ENTREP2: variants seen among roughly 807,000 people sequenced by gnomAD.
ENTREP2 encodes protein ENTREP2.
chr15:29,590,196 T>C, the ENTREP2 span, among the ~76,000 whole-genome samples: 2 of 152,158 alleles, frequency 1.3e-5, no homozygotes, highest in South Asian at 4.1e-4. Context: ...GAGTGTTCTC[T>C]TGTGTCCCTT....
the ENTREP2 span, among the ~76,000 whole-genome samples, chr15:29,488,765 G>T: frequency 6.6e-6 from 1 of 152,202 alleles, no homozygotes; most frequent in East Asian, 1.9e-4. Flanking sequence ...GCAATGAAAT[G>T]ACATTTTAAA....
the ENTREP2 span, among the ~76,000 whole-genome samples, chr15:29,174,592 G>A: frequency 6.6e-6 from 1 of 152,272 alleles, no homozygotes; most frequent in African/African-American, 2.4e-5. Flanking sequence ...GGGAGGCTGA[G>A]GCAGGAGAAT....
the ENTREP2 span, among the ~76,000 whole-genome samples, chr15:29,533,377 T>A: frequency 6.6e-6 from 1 of 152,182 alleles, no homozygotes; most frequent in Non-Finnish European, 1.5e-5. Context: ...GCAAAGCAGA[T>A]GCTGCACTTG....
the ENTREP2 span, among the ~76,000 whole-genome samples, chr15:29,174,040 C>A: frequency 6.6e-6 from 1 of 151,510 alleles, no homozygotes; most frequent in Non-Finnish European, 1.5e-5. Context: ...TTTTAAGCAT[C>A]ATTTTAAAGG....
At chr15:29,123,581 T>C in the ENTREP2 span, 3 of 1,551,662 alleles carry the variant, frequency 1.9e-6, no homozygotes, top group South Asian at 2.4e-5. Flanking sequence ...CGTTGGTCAG[T>C]TTTCCAGGTA....
the ENTREP2 span, among the ~76,000 whole-genome samples, chr15:29,148,347 G>GA: frequency 2.0e-5 from 3 of 152,036 alleles, no homozygotes; most frequent in Non-Finnish European, 4.4e-5. Context: ...CCTGGTAAAA[G>GA]AAAAAAACCA....
the ENTREP2 span, among the ~76,000 whole-genome samples, chr15:29,142,138 C>T: frequency 6.6e-6 from 1 of 152,162 alleles, no homozygotes; most frequent in Admixed American, 6.5e-5. Flanking sequence ...GAAGGTCTGT[C>T]TCCCCTGGCT....
the ENTREP2 span, among the ~76,000 whole-genome samples, chr15:29,315,040 G>T: frequency 6.6e-6 from 1 of 152,190 alleles, no homozygotes; most frequent in Non-Finnish European, 1.5e-5. Flanking sequence ...GACAGAGCGA[G>T]ACTTTGTCTC....
the ENTREP2 span, among the ~76,000 whole-genome samples, chr15:29,357,026 C>T: frequency 3.9e-5 from 6 of 152,026 alleles, no homozygotes; most frequent in Non-Finnish European, 5.9e-5. Context: ...GAACTGAGTG[C>T]CTAGAAACAG....
chr15:29,636,486 A>G, the ENTREP2 span, among the ~76,000 whole-genome samples: 12 of 152,206 alleles, frequency 7.9e-5, no homozygotes, highest in Non-Finnish European at 1.2e-4. Context: ...AGTGGCCTGC[A>G]CAGCTGTGCA....
At chr15:29,612,104 G>A in the ENTREP2 span, among the ~76,000 whole-genome samples, 15 of 152,028 alleles carry the variant, frequency 9.9e-5, no homozygotes, top group African/African-American at 3.1e-4. Context: ...TTCCTCCTTC[G>A]GAGTCAGTAG....
chr15:29,375,723 A>G, the ENTREP2 span: 4 of 152,190 alleles, frequency 2.6e-5, no homozygotes, highest in African/African-American at 9.7e-5. Flanking sequence ...CCTAAATGCA[A>G]TGAAGATGAT....
the ENTREP2 span, among the ~76,000 whole-genome samples, chr15:29,297,727 T>C: frequency 6.6e-6 from 1 of 152,190 alleles, no homozygotes; most frequent in Non-Finnish European, 1.5e-5. Context: ...ACAGGAAATA[T>C]ACAGAACACA....
the ENTREP2 span, among the ~76,000 whole-genome samples, chr15:29,651,309 C>T: frequency 1.3e-5 from 2 of 152,342 alleles, no homozygotes; most frequent in South Asian, 2.1e-4. Context: ...AAAACCTCTA[C>T]ACTCCTTCAA....
At chr15:29,392,188 T>TCCTGACCTTGTGATCCACCCG in the ENTREP2 span, among the ~76,000 whole-genome samples, 1 of 151,976 alleles carries the variant, frequency 6.6e-6, no homozygotes, top group Non-Finnish European at 1.5e-5. Flanking sequence ...GGTCTCGATC[T>TCCTGACCTTGTGATCCACCCG]CCTGACCTTG....
chr15:29,318,896 C>T, the ENTREP2 span, among the ~76,000 whole-genome samples: 3 of 152,180 alleles, frequency 2.0e-5, no homozygotes, highest in African/African-American at 7.2e-5. Flanking sequence ...TGAATGCTCC[C>T]TTTCTCCAGG....
chr15:29,633,737 G>A, the ENTREP2 span, among the ~76,000 whole-genome samples: 1 of 152,124 alleles, frequency 6.6e-6, no homozygotes, highest in African/African-American at 2.4e-5. Context: ...GATGTGGGAG[G>A]ATCACCTGAG....
At chr15:29,371,531 A>C in the ENTREP2 span, among the ~76,000 whole-genome samples, 1 of 152,176 alleles carries the variant, frequency 6.6e-6, no homozygotes. Context: ...TAAAGAGACC[A>C]GTTAACCTGT....
At chr15:29,500,782 T>C in the ENTREP2 span, among the ~76,000 whole-genome samples, 1 of 151,478 alleles carries the variant, frequency 6.6e-6, no homozygotes, top group Non-Finnish European at 1.5e-5. Flanking sequence ...AAAAACAACA[T>C]AGAAAATCAA....
Sources: gnomAD v4.1 joint callset for allele counts (sites outside exome capture counted in the v4.1 genomes callset) on GRCh38, gnomAD v4.1.1 for gene constraint, MANE v1.5 for transcripts, NCBI Gene and HGNC (gene_info 2026-07-23, HGNC 2026-07-21) for gene names.